Variants in QNG1 observed in about 807,000 individuals in gnomAD.
QNG1 encodes the protein Q-nucleotide N-glycosylase 1.
At chr9:83,954,254 C>G in the QNG1 span, among the ~76,000 whole-genome samples, 1 of 151,850 alleles carries the variant, frequency 6.6e-6, no homozygotes, top group Non-Finnish European at 1.5e-5. Context: ...AATAAAGTAA[C>G]CTTCTTGAAG....
the QNG1 span, among the ~76,000 whole-genome samples, chr9:83,952,759 C>T: frequency 2.0e-5 from 3 of 147,502 alleles, no homozygotes; most frequent in African/African-American, 7.5e-5. Flanking sequence ...CGCGCCACTG[C>T]ACTCCAGCCT....
At chr9:83,950,143 G>A in the QNG1 span, among the ~76,000 whole-genome samples, 3 of 150,562 alleles carry the variant, frequency 2.0e-5, no homozygotes, top group African/African-American at 2.4e-5. Flanking sequence ...TCTGCCTCCC[G>A]GGTTCAGGCC....
chr9:83,941,648 C>G, the QNG1 span, among the ~76,000 whole-genome samples: 1 of 152,122 alleles, frequency 6.6e-6, no homozygotes, highest in Admixed American at 6.6e-5. Flanking sequence ...TGCAGTGGCT[C>G]ATGCCTGTAA....
the QNG1 span, chr9:83,953,894 T>C: frequency 8.4e-7 from 1 of 1,189,420 alleles, no homozygotes; most frequent in Non-Finnish European, 1.2e-6. Flanking sequence ...ACTGAACTTT[T>C]CAAGAAATAC....
At chr9:83,941,192 T>C in the QNG1 span, among the ~76,000 whole-genome samples, 1 of 152,210 alleles carries the variant, frequency 6.6e-6, no homozygotes, top group East Asian at 1.9e-4. Flanking sequence ...TAAATGTCTG[T>C]TGTTTTAACC....
the QNG1 span, among the ~76,000 whole-genome samples, chr9:83,944,525 A>G: frequency 1.3e-5 from 2 of 152,344 alleles, no homozygotes; most frequent in East Asian, 3.9e-4. Context: ...TCAGTGTTAC[A>G]TACTTTCATG....
chr9:83,954,116 G>C, the QNG1 span, among the ~76,000 whole-genome samples: 1 of 151,874 alleles, frequency 6.6e-6, no homozygotes, highest in Non-Finnish European at 1.5e-5. Flanking sequence ...CTGGTCTTGA[G>C]CTCCTGACCT....
chr9:83,941,196 T>G, the QNG1 span, among the ~76,000 whole-genome samples: 1 of 152,196 alleles, frequency 6.6e-6, no homozygotes, highest in Non-Finnish European at 1.5e-5. Context: ...TGTCTGTTGT[T>G]TTAACCACTA....
At chr9:83,953,506 C>A in the QNG1 span, 6 of 262,876 alleles carry the variant, frequency 2.3e-5, no homozygotes, top group Non-Finnish European at 4.4e-5. Flanking sequence ...CACCACCACA[C>A]CCGGCTAATT....
the QNG1 span, chr9:83,956,152 T>C: frequency 6.2e-7 from 1 of 1,606,878 alleles, no homozygotes; most frequent in Non-Finnish European, 8.5e-7. Context: ...CGATGGCAAG[T>C]ATGGCACCAA....
At chr9:83,949,667 CA>C in the QNG1 span, among the ~76,000 whole-genome samples, 23 of 145,146 alleles carry the variant, frequency 1.6e-4, no homozygotes, top group East Asian at 1.0e-3. Flanking sequence ...CAAAAACAAA[CA>C]AAAAAAAAAC....
chr9:83,939,796 A>G, the QNG1 span: 2 of 1,212,582 alleles, frequency 1.6e-6, no homozygotes, highest in Non-Finnish European at 2.4e-6. Flanking sequence ...TACATAATCT[A>G]CTTGAACTTT....
At chr9:83,943,307 TC>T in the QNG1 span, among the ~76,000 whole-genome samples, 1 of 118,262 alleles carries the variant, frequency 8.5e-6, no homozygotes, top group Non-Finnish European at 1.6e-5. Flanking sequence ...GCCACCACAC[TC>T]CAGCTTGGGC....
the QNG1 span, among the ~76,000 whole-genome samples, chr9:83,945,727 G>A: frequency 2.6e-5 from 4 of 151,764 alleles, no homozygotes; most frequent in Non-Finnish European, 5.9e-5. Flanking sequence ...TCAGCCTCCC[G>A]AGTAGCTGGG....
At chr9:83,951,842 C>T in the QNG1 span, among the ~76,000 whole-genome samples, 1 of 152,132 alleles carries the variant, frequency 6.6e-6, no homozygotes, top group Non-Finnish European at 1.5e-5. Context: ...TTCTGGGGCA[C>T]AGCCAGGTTG....
the QNG1 span, among the ~76,000 whole-genome samples, chr9:83,946,166 G>A: frequency 6.6e-6 from 1 of 151,900 alleles, no homozygotes; most frequent in African/African-American, 2.4e-5. Context: ...TTAGCTGGGT[G>A]TGGTGGCGAT....
chr9:83,956,261 CG>C, the QNG1 span: 1 of 1,614,136 alleles, frequency 6.2e-7, no homozygotes, highest in Non-Finnish European at 8.5e-7. Flanking sequence ...CGTCCTGCTC[CG>C]ACCAAAAGGA....
the QNG1 span, chr9:83,955,465 G>C: frequency 6.2e-6 from 10 of 1,614,112 alleles, no homozygotes; most frequent in Non-Finnish European, 8.5e-6. Context: ...CACTTTCTCG[G>C]ACGCAGTTGA....
At chr9:83,952,203 C>T in the QNG1 span, among the ~76,000 whole-genome samples, 8 of 152,230 alleles carry the variant, frequency 5.3e-5, no homozygotes, top group African/African-American at 1.9e-4. Flanking sequence ...AGGCTGGTCT[C>T]GACCTCCTGG....
Sources: gnomAD v4.1 joint callset for allele counts (sites outside exome capture counted in the v4.1 genomes callset) on GRCh38, gnomAD v4.1.1 for gene constraint, MANE v1.5 for transcripts, NCBI Gene and HGNC (gene_info 2026-07-23, HGNC 2026-07-21) for gene names.